The following ERC1 variants were observed in gnomAD, a reference collection of about 807,000 sequenced individuals.
The protein encoded by ERC1 is RAB6 interacting protein 2.
Under a neutral mutation model 132.0 loss-of-function variants are expected in ERC1, and 56 were observed. The ratio of observed to expected loss-of-function variants is 0.42; its 90% confidence interval spans 0.34 to 0.53. The LOEUF (loss-of-function observed/expected upper bound fraction) is 0.53. ERC1 is among the 20% of genes least tolerant of loss of function. The probability of loss-of-function intolerance (pLI) is 0.03; values close to 1 mark genes in which losing one functional copy is unlikely to be tolerated. For synonymous variants in ERC1, 478 were observed against 476.1 expected (o/e 1.00, Z -0.05); for missense variants, 1,202 against 1,349.9 (o/e 0.89, Z 1.72).
chr12:1,335,066 A>G (rs1277192922), intron 15 of ERC1, among the ~76,000 whole-genome samples: 4 of 152,108 alleles, frequency 2.6e-5, no homozygotes, highest in Admixed American at 6.5e-5. Flanking sequence ...TGATATCTGT[A>G]TATTGATTTC....
intron 14 of ERC1, among the ~76,000 whole-genome samples, chr12:1,265,549 T>A (rs1362758624): frequency 6.6e-6 from 1 of 152,238 alleles, no homozygotes; most frequent in African/African-American, 2.4e-5. Flanking sequence ...TTGTTAAAAT[T>A]AATGAACCAG....
intron 8 of ERC1, among the ~76,000 whole-genome samples, chr12:1,177,114 A>G (rs1201042346): frequency 6.6e-6 from 1 of 152,214 alleles, no homozygotes; most frequent in Non-Finnish European, 1.5e-5. Flanking sequence ...CTTCATTGAA[A>G]TGAAGAGAGT....
chr12:1,209,303 T>C (rs1212923890), intron 12 of ERC1, among the ~76,000 whole-genome samples: 1 of 152,150 alleles, frequency 6.6e-6, no homozygotes. Flanking sequence ...AAGGGGGCTA[T>C]TGGTATGTAT....
intron 8 of ERC1, 144 bp downstream of exon 8, chr12:1,141,931 CG>C (rs1475101217): frequency 1.2e-5 from 7 of 587,128 alleles, no homozygotes; most frequent in African/African-American, 3.8e-5. Context: ...ACTCTTGTTG[CG>C]GTAGGTAGAT....
At chr12:1,368,584 C>G (rs985209759) in intron 15 of ERC1, among the ~76,000 whole-genome samples, 1 of 152,088 alleles carries the variant, frequency 6.6e-6, no homozygotes, top group Non-Finnish European at 1.5e-5. Context: ...ATGGTCCTTT[C>G]TAAGAGATGG....
chr12:1,440,600 TTGTGTGTGTGTGTGTGTGTGTG>T (rs56749397), intron 17 of ERC1, among the ~76,000 whole-genome samples: 947 of 51,140 alleles, frequency 0.019, 41 homozygotes, highest in African/African-American at 0.052. Flanking sequence ...CCTCAGCCTT[TTGTGTGTGTGTGTGTGTGTGTG>T]TGTGTGTGTG....
At chr12:1,050,496 T>G (rs564795248) in intron 2 of ERC1, among the ~76,000 whole-genome samples, 2 of 152,174 alleles carry the variant, frequency 1.3e-5, no homozygotes, top group Non-Finnish European at 2.9e-5. Flanking sequence ...CTCCCAAAGT[T>G]TCTGGTTTAG....
chr12:1,281,923 G>T (rs540224027), intron 14 of ERC1, among the ~76,000 whole-genome samples: 1 of 152,040 alleles, frequency 6.6e-6, no homozygotes, highest in African/African-American at 2.4e-5. Context: ...GGGGATGTTT[G>T]CTTTGAAAAT....
chr12:1,162,162 C>A (rs1350732967), intron 8 of ERC1, among the ~76,000 whole-genome samples: 2 of 152,192 alleles, frequency 1.3e-5, no homozygotes, highest in African/African-American at 4.8e-5. Flanking sequence ...GAGACAATAG[C>A]AGATGGCCAA....
chr12:989,991 G>A (rs1013088554), upstream of ERC1: 1 of 152,236 alleles, frequency 6.6e-6, no homozygotes, highest in Non-Finnish European at 1.5e-5. Context: ...GTACTGAAGG[G>A]GGAGATGACA....
At chr12:1,031,900 C>T (rs1366242235) in intron 2 of ERC1, among the ~76,000 whole-genome samples, 1 of 152,094 alleles carries the variant, frequency 6.6e-6, no homozygotes, top group African/African-American at 2.4e-5. Context: ...TTGGTTAAAA[C>T]ATAGATTGCC....
intron 3 of ERC1, among the ~76,000 whole-genome samples, chr12:1,092,148 A>G (rs1943319418): frequency 6.6e-6 from 1 of 151,932 alleles, no homozygotes; most frequent in South Asian, 2.1e-4. Flanking sequence ...ACAGGCACCC[A>G]TCACCAGGCC....
chr12:1,276,597 C>T (rs1240923246), intron 14 of ERC1, among the ~76,000 whole-genome samples: 1 of 151,682 alleles, frequency 6.6e-6, no homozygotes, highest in Non-Finnish European at 1.5e-5. Flanking sequence ...AATAACACTG[C>T]ATTATTATTA....
At chr12:1,176,169 G>A (rs965031991) in intron 8 of ERC1, among the ~76,000 whole-genome samples, 1 of 152,172 alleles carries the variant, frequency 6.6e-6, no homozygotes. Context: ...AGTAAGACTA[G>A]AAATCAAAAT....
chr12:1,455,050 A>G (rs368726034), intron 18 of ERC1, among the ~76,000 whole-genome samples: 1 of 152,208 alleles, frequency 6.6e-6, no homozygotes, highest in Non-Finnish European at 1.5e-5. Flanking sequence ...AAGTGTCTTG[A>G]CCCAGCACTA....
intron 18 of ERC1, among the ~76,000 whole-genome samples, chr12:1,465,009 C>G (rs1018735623): frequency 6.6e-6 from 1 of 151,948 alleles, no homozygotes; most frequent in Non-Finnish European, 1.5e-5. Flanking sequence ...TTGTGTTGAA[C>G]GTATTCCCAT....
At chr12:1,291,814 A>T (rs1186728216) in intron 15 of ERC1, among the ~76,000 whole-genome samples, 6 of 152,210 alleles carry the variant, frequency 3.9e-5, no homozygotes, top group Non-Finnish European at 7.3e-5. Context: ...AAAACGGTTC[A>T]CTTGGTAGCC....
chr12:1,485,201 C>CTTTTTTTT (rs71441650), intron 18 of ERC1, among the ~76,000 whole-genome samples: 33 of 96,390 alleles, frequency 3.4e-4, no homozygotes, highest in African/African-American at 9.1e-4. Context: ...GTTTATATTT[C>CTTTTTTTT]TTTTTTTTTT....
chr12:1,083,510 C>G lies in ERC1; in HGVS notation c.1016C>G (p.Ala339Gly). The part of the protein sequence containing the change: ...DHERTRRLAE[A>G]EMHVHHLESL... ...GAGAGAACAAGACGACTGGCAGAGG[C>G]AGAGATGCACGTTCATCACCTAGAA... The change falls in exon 3 of 19, where the codon GCA becomes GGA. Residue 339 changes from alanine to glycine, a missense_variant. Physicochemically the swap from Ala to Gly is moderately conservative, Grantham distance 60. Transcript: ENST00000360905. The G allele has an allele frequency of 6.2e-7, 1 of 1,613,944 alleles. No homozygotes were observed. The highest frequency in any genetic ancestry group is 8.5e-7 in the Non-Finnish European group (1 of 1,179,982).
Sources: gnomAD v4.1 joint callset for allele counts (sites outside exome capture counted in the v4.1 genomes callset) on GRCh38, gnomAD v4.1.1 for gene constraint, MANE v1.5 for transcripts, NCBI Gene and HGNC (gene_info 2026-07-23, HGNC 2026-07-21) for gene names.